The following CCSER1 variants were observed in gnomAD, a reference collection of about 807,000 sequenced individuals.
The protein encoded by CCSER1 is coiled-coil serine rich protein 1.
In CCSER1, 41 loss-of-function variants were observed where a neutral mutation model predicts 82.0. That is an observed-to-expected ratio of 0.50 (90% CI 0.39 to 0.65). CCSER1 has a LOEUF of 0.65. Among genes scored for constraint, CCSER1 ranks in the 30% least tolerant of loss-of-function variants. The pLI is 0.00. For synonymous variants in CCSER1, 414 were observed against 383.9 expected (o/e 1.08, Z -0.92); for missense variants, 1,119 against 1,064.2 (o/e 1.05, Z -0.72).
chr4:90,365,002 T>C (rs535468877), intron 3 of CCSER1, among the ~76,000 whole-genome samples: 1 of 152,062 alleles, frequency 6.6e-6, no homozygotes, highest in East Asian at 1.9e-4. Flanking sequence ...TATGGAACTT[T>C]GAAGGCCTAA....
chr4:91,510,807 T>C (rs1183129167), intron 10 of CCSER1, among the ~76,000 whole-genome samples: 1 of 152,244 alleles, frequency 6.6e-6, no homozygotes, highest in Non-Finnish European at 1.5e-5. Context: ...GCAAAAGCTC[T>C]TCAGTTTAAT....
chr4:91,211,797 T>G (rs1426348993), intron 10 of CCSER1, among the ~76,000 whole-genome samples: 1 of 152,118 alleles, frequency 6.6e-6, no homozygotes. Context: ...GAGCTAAATA[T>G]TGTTGTAGTC....
At chr4:90,623,658 A>G (rs148006576) in intron 5 of CCSER1, among the ~76,000 whole-genome samples, 2,077 of 152,310 alleles carry the variant, frequency 0.014, 52 homozygotes, top group African/African-American at 0.048. Flanking sequence ...TATAACCACT[A>G]CACTTACTAT....
chr4:91,371,033 T>A (rs1750006094), intron 10 of CCSER1, among the ~76,000 whole-genome samples: 1 of 152,122 alleles, frequency 6.6e-6, no homozygotes, highest in African/African-American at 2.4e-5. Context: ...AGCTAATTTT[T>A]GTATTTTTAG....
chr4:90,627,994 T>A (rs773163592), intron 5 of CCSER1, 31 bp from the exon 6 acceptor site: 1 of 1,549,122 alleles, frequency 6.5e-7, no homozygotes, highest in Admixed American at 1.7e-5. Flanking sequence ...TGCTGCACTG[T>A]AATTTTTGTT....
intron 8 of CCSER1, among the ~76,000 whole-genome samples, chr4:90,902,132 T>C (rs1429341711): frequency 1.3e-5 from 2 of 151,926 alleles, no homozygotes; most frequent in African/African-American, 4.8e-5. Flanking sequence ...ATACTATAAG[T>C]TCTATTTTTT....
At chr4:90,698,382 G>A (rs147398042) in intron 6 of CCSER1, among the ~76,000 whole-genome samples, 1 of 152,248 alleles carries the variant, frequency 6.6e-6, no homozygotes, top group East Asian at 1.9e-4. Context: ...AGAGAGGAGA[G>A]AGACTGAGTT....
chr4:91,399,323 G>A (rs1302626095), intron 10 of CCSER1, among the ~76,000 whole-genome samples: 1 of 151,876 alleles, frequency 6.6e-6, no homozygotes, highest in East Asian at 1.9e-4. Context: ...TTTAAAGATG[G>A]CTATATGACT....
At chr4:91,358,391 GTTGT>G (rs373442854) in intron 10 of CCSER1, among the ~76,000 whole-genome samples, 31,493 of 126,674 alleles carry the variant, frequency 0.25, 4,604 homozygotes, top group Middle Eastern at 0.4. Context: ...CCTGACCCAC[GTTGT>G]TTTTTTTTTT....
At chr4:90,305,720 C>T (rs745327945) in intron 1 of CCSER1, among the ~76,000 whole-genome samples, 2 of 152,170 alleles carry the variant, frequency 1.3e-5, no homozygotes, top group Non-Finnish European at 2.9e-5. Flanking sequence ...AACTCTTGCA[C>T]ACTGTTGGTG....
At chr4:90,574,976 T>C (rs1160160163) in intron 5 of CCSER1, among the ~76,000 whole-genome samples, 2 of 151,990 alleles carry the variant, frequency 1.3e-5, no homozygotes, top group Non-Finnish European at 2.9e-5. Context: ...AATTTCAAGT[T>C]CTTGTTTTTT....
At chr4:90,839,073 A>C (rs1302639292) in intron 8 of CCSER1, 1 of 1,587,386 alleles carries the variant, frequency 6.3e-7, no homozygotes, top group Non-Finnish European at 8.6e-7. Flanking sequence ...GCGCGCGAGT[A>C]CGAGCGAAGT....
intron 9 of CCSER1, among the ~76,000 whole-genome samples, chr4:91,010,076 A>G (rs1468347866): frequency 6.6e-6 from 1 of 152,144 alleles, no homozygotes; most frequent in Non-Finnish European, 1.5e-5. Flanking sequence ...TCTTCTAGGG[A>G]AAATCTAGTG....
At chr4:90,844,157 T>TATAGATAG (rs146224460) in intron 8 of CCSER1, among the ~76,000 whole-genome samples, 5 of 151,086 alleles carry the variant, frequency 3.3e-5, no homozygotes, top group East Asian at 3.9e-4. Flanking sequence ...GTTGTGTATA[T>TATAGATAG]ATAGATAGAT....
At chr4:90,617,025 A>G (rs1721408336) in intron 5 of CCSER1, among the ~76,000 whole-genome samples, 1 of 152,168 alleles carries the variant, frequency 6.6e-6, no homozygotes, top group South Asian at 2.1e-4. Context: ...GAAAATGTTA[A>G]TATAAGAATT....
intron 6 of CCSER1, among the ~76,000 whole-genome samples, chr4:90,664,719 G>A (rs1731407465): frequency 6.6e-6 from 1 of 152,046 alleles, no homozygotes; most frequent in Non-Finnish European, 1.5e-5. Flanking sequence ...TGACCAACAT[G>A]GAGAAACCCC....
At chr4:90,914,835 C>G (rs1727054670) in intron 8 of CCSER1, among the ~76,000 whole-genome samples, 1 of 151,794 alleles carries the variant, frequency 6.6e-6, no homozygotes, top group African/African-American at 2.4e-5. Flanking sequence ...AAGGGGATAT[C>G]ACCCCCAATC....
At chr4:90,826,165 TC>T (rs1223067990) in intron 8 of CCSER1, among the ~76,000 whole-genome samples, 2 of 152,216 alleles carry the variant, frequency 1.3e-5, no homozygotes, top group Admixed American at 6.5e-5. Context: ...GGCTATCACC[TC>T]TACATGATTT....
intron 9 of CCSER1, among the ~76,000 whole-genome samples, chr4:91,042,131 A>T (rs190801260): frequency 4.3e-4 from 65 of 152,284 alleles, no homozygotes; most frequent in Admixed American, 7.9e-4. Flanking sequence ...TTGAATTGTA[A>T]TCCCCAAAAA....
Sources: gnomAD v4.1 joint callset for allele counts (sites outside exome capture counted in the v4.1 genomes callset) on GRCh38, gnomAD v4.1.1 for gene constraint, MANE v1.5 for transcripts, NCBI Gene and HGNC (gene_info 2026-07-23, HGNC 2026-07-21) for gene names.